Variants in XKR4 observed in about 807,000 individuals in gnomAD.
XKR4 encodes XK related 4, also known as XK-related protein 4.
XKR4 carries 12 observed loss-of-function variants against 53.9 expected under a neutral mutation model. The observed-to-expected ratio is 0.22, with a 90% CI of 0.14 to 0.36. The LOEUF (loss-of-function observed/expected upper bound fraction) is 0.36, where lower values mean the gene tolerates loss of function less well. Among genes scored for constraint, XKR4 ranks in the 10% least tolerant of loss-of-function variants. The pLI is 1.00. For synonymous variants in XKR4, 354 were observed against 362.4 expected (o/e 0.98, Z 0.26); for missense variants, 799 against 859.5 (o/e 0.93, Z 0.88).
At chr8:55,354,725 A>G (rs1452773899) in intron 1 of XKR4, among the ~76,000 whole-genome samples, 2 of 152,006 alleles carry the variant, frequency 1.3e-5, no homozygotes, top group African/African-American at 4.8e-5. Flanking sequence ...AAAAACACAC[A>G]TGCACAAAAT....
chr8:55,129,453 C>T (rs1300351763), intron 1 of XKR4, among the ~76,000 whole-genome samples: 1 of 152,148 alleles, frequency 6.6e-6, no homozygotes, highest in East Asian at 1.9e-4. Context: ...AAACCATTCT[C>T]TTTACTAACC....
intron 2 of XKR4, among the ~76,000 whole-genome samples, chr8:55,479,942 A>G (rs945595547): frequency 1.3e-5 from 2 of 152,204 alleles, no homozygotes; most frequent in South Asian, 4.1e-4. Context: ...CCAGGACCAG[A>G]CGGATTCACT....
intron 2 of XKR4, among the ~76,000 whole-genome samples, chr8:55,516,451 G>A (rs1585615419): frequency 6.6e-6 from 1 of 151,874 alleles, no homozygotes; most frequent in African/African-American, 2.4e-5. Flanking sequence ...CTTGTGAGAA[G>A]ATACTTTAAA....
At chr8:55,103,858 T>TATAC (rs1816097541) in intron 1 of XKR4, among the ~76,000 whole-genome samples, 1 of 60,016 alleles carries the variant, frequency 1.7e-5, no homozygotes, top group Non-Finnish European at 3.0e-5. Flanking sequence ...TTTGTATATA[T>TATAC]ATATATATAT....
At chr8:55,136,323 C>T (rs572510884) in intron 1 of XKR4, among the ~76,000 whole-genome samples, 618 of 25,440 alleles carry the variant, frequency 0.024, 7 homozygotes, top group African/African-American at 0.03. Context: ...GCACTTCCTT[C>T]ACAGAGAACA....
chr8:55,289,904 G>GAAAA (rs1463750068), intron 1 of XKR4, among the ~76,000 whole-genome samples: 1 of 133,790 alleles, frequency 7.5e-6, no homozygotes, highest in Non-Finnish European at 1.7e-5. Context: ...AAGAAAGAAA[G>GAAAA]AAACTGCCAA....
chr8:55,511,162 G>A (rs946626922), intron 2 of XKR4, among the ~76,000 whole-genome samples: 8 of 152,184 alleles, frequency 5.3e-5, no homozygotes, highest in South Asian at 4.2e-4. Context: ...GACAGAAGCC[G>A]TGGTTCCAGT....
intron 2 of XKR4, among the ~76,000 whole-genome samples, chr8:55,396,688 G>T (rs1199912780): frequency 6.6e-6 from 1 of 152,104 alleles, no homozygotes; most frequent in Non-Finnish European, 1.5e-5. Flanking sequence ...ATATTTGTGT[G>T]GTGATTTCTT....
intron 2 of XKR4, among the ~76,000 whole-genome samples, chr8:55,465,766 C>T (rs78508074): frequency 0.76 from 113,013 of 148,822 alleles, 43,558 homozygotes; most frequent in African/African-American, 0.9. Flanking sequence ...CCAGAATCTA[C>T]AATGAACTCA....
At chr8:55,301,260 C>T (rs2129376819) in intron 1 of XKR4, among the ~76,000 whole-genome samples, 1 of 150,252 alleles carries the variant, frequency 6.7e-6, no homozygotes, top group East Asian at 2.0e-4. Flanking sequence ...GTTTTTTGTC[C>T]TTGGGATAGT....
At chr8:55,480,294 CA>C (rs58571264) in intron 2 of XKR4, among the ~76,000 whole-genome samples, 52,031 of 151,868 alleles carry the variant, frequency 0.34, 10,760 homozygotes, top group African/African-American at 0.6. Context: ...GAACCAAAGA[CA>C]AAAACCACAT....
At chr8:55,406,142 T>C (rs1272443294) in intron 2 of XKR4, among the ~76,000 whole-genome samples, 3 of 152,214 alleles carry the variant, frequency 2.0e-5, no homozygotes, top group Non-Finnish European at 2.9e-5. Flanking sequence ...TTAACAGTAA[T>C]AAGACTTGTA....
chr8:55,193,071 G>A (rs991333206), intron 1 of XKR4, among the ~76,000 whole-genome samples: 20 of 151,958 alleles, frequency 1.3e-4, no homozygotes, highest in East Asian at 3.9e-4. Flanking sequence ...GGGAGTGTCC[G>A]TATCACAGGA....
chr8:55,395,113 G>A (rs1274410392), intron 2 of XKR4, among the ~76,000 whole-genome samples: 2 of 152,054 alleles, frequency 1.3e-5, no homozygotes, highest in Admixed American at 1.3e-4. Context: ...AAGCAATAGT[G>A]TGCAATCTTT....
At chr8:55,480,135 T>C (rs2929025) in intron 2 of XKR4, among the ~76,000 whole-genome samples, 62,380 of 151,966 alleles carry the variant, frequency 0.41, 13,374 homozygotes, top group East Asian at 0.53. Context: ...TGATGAACAT[T>C]GATGCAAAAA....
chr8:55,183,752 G>A (rs1044993089), intron 1 of XKR4, among the ~76,000 whole-genome samples: 1 of 152,150 alleles, frequency 6.6e-6, no homozygotes, highest in Non-Finnish European at 1.5e-5. Flanking sequence ...AGATCAAATT[G>A]GCAGTTAGTG....
At chr8:55,425,275 C>T (rs1266832478) in intron 2 of XKR4, among the ~76,000 whole-genome samples, 1 of 152,112 alleles carries the variant, frequency 6.6e-6, no homozygotes. Flanking sequence ...TTCAAAGAGC[C>T]ACAAAAAATG....
intron 2 of XKR4, among the ~76,000 whole-genome samples, chr8:55,366,349 C>A (rs1008833505): frequency 1.3e-5 from 2 of 152,204 alleles, no homozygotes; most frequent in African/African-American, 4.8e-5. Flanking sequence ...CTTGTTAAAG[C>A]TATTTCTGAG....
intron 1 of XKR4, among the ~76,000 whole-genome samples, chr8:55,345,527 T>C (rs916655336): frequency 6.6e-6 from 1 of 152,144 alleles, no homozygotes; most frequent in African/African-American, 2.4e-5. Flanking sequence ...GGGTCAAGTG[T>C]ATGCAGAGAA....
Sources: allele counts gnomAD v4.1 joint callset (sites outside exome capture counted in the v4.1 genomes callset), GRCh38; gene constraint gnomAD v4.1.1; transcripts MANE v1.5; gene names NCBI Gene and HGNC (gene_info 2026-07-23, HGNC 2026-07-21).